The following RUVBL1 variants were observed in gnomAD, a reference collection of about 807,000 sequenced individuals.
The protein encoded by RUVBL1 is RuvB like AAA ATPase 1.
In RUVBL1, 4 loss-of-function variants were observed where a neutral mutation model predicts 52.4. That is an observed-to-expected ratio of 0.08 (90% CI 0.04 to 0.17). The LOEUF is 0.17. Among genes scored for constraint, RUVBL1 ranks in the 10% least tolerant of loss-of-function variants. RUVBL1 has a pLI of 1.00. For missense variants in RUVBL1, 298 were observed against 572.8 expected, an observed-to-expected ratio of 0.52 and a Z score of 4.90; for synonymous variants, 217 against 214.4, an observed-to-expected ratio of 1.01 and a Z score of -0.10.
intron 1 of RUVBL1, among the ~76,000 whole-genome samples, chr3:128,146,049 G>A (rs1944098828): frequency 6.6e-6 from 1 of 152,174 alleles, no homozygotes; most frequent in Non-Finnish European, 1.5e-5. Context: ...CAGGATAAGG[G>A]GGATCAGGAG....
At chr3:128,123,378 T>C (rs1379164021) in intron 1 of RUVBL1, among the ~76,000 whole-genome samples, 1 of 152,144 alleles carries the variant, frequency 6.6e-6, no homozygotes, top group Non-Finnish European at 1.5e-5. Flanking sequence ...CCCCAGTGGA[T>C]CGTCACTAGG....
intron 1 of RUVBL1, among the ~76,000 whole-genome samples, chr3:128,148,124 T>G (rs1170644866): frequency 6.6e-6 from 1 of 151,570 alleles, no homozygotes; most frequent in East Asian, 1.9e-4. Context: ...TAAAGGGCTT[T>G]TTTTTTTTTG....
rs1290200003 is a variant in RUVBL1 at position 128,121,589 on chromosome 3, A to G, written c.141+1995T>C. Among the ~76,000 whole-genome samples, 3 of 151,486 alleles carry G rather than the reference A, an allele frequency of 2.0e-5. No homozygotes were observed. In the East Asian group the frequency reaches 6.0e-4, roughly 30 times the overall value. ...GCCGAGCGTGGTGGTAGGCGCCTGT[A>G]ATCCCAGCTACTCACGAGGCTGAGG... On this transcript the variant is annotated intron_variant, in intron 1 of 10. Coordinates refer to ENST00000322623, the MANE Select transcript of RUVBL1 (RefSeq NM_003707.3).
At chr3:128,134,154 A>G (rs1401461627) in intron 1 of RUVBL1, among the ~76,000 whole-genome samples, 1 of 152,076 alleles carries the variant, frequency 6.6e-6, no homozygotes, top group African/African-American at 2.4e-5. Flanking sequence ...AAGCAGAAGC[A>G]TTAGTGAGCT....
At chr3:128,116,736 G>T (rs1303533632) in intron 2 of RUVBL1, among the ~76,000 whole-genome samples, 2 of 152,066 alleles carry the variant, frequency 1.3e-5, no homozygotes, top group East Asian at 1.9e-4. Flanking sequence ...ACTGCTCATG[G>T]AATCATATGA....
chr3:128,067,421 G>GACACGTCTTCTGGGGGCCCAGC lies in RUVBL1; in HGVS notation c.940-2223_940-2202dup. 1 of 1,610,368 alleles carries GACACGTCTTCTGGGGGCCCAGC rather than the reference G, an allele frequency of 6.2e-7. No individual in the cohort carries two copies. The highest frequency in any genetic ancestry group is 8.5e-7 in the Non-Finnish European group (1 of 1,178,720). ...ATGCGTTTGGTTTCTTCTTCCCCAGGACACGTCTTCTGGGGGCCCAGCACG... is the reference window on the plus strand; with the variant it reads ...ATGCGTTTGGTTTCTTCTTCCCCAGGACACGTCTTCTGGGGGCCCAGCACACGTCTTCTGGGGGCCCAGCACG... On this transcript the variant is annotated intron_variant, in intron 9 of 9. Coordinates refer to the RUVBL1 transcript ENST00000464873. This position sits in a 1 kb window ranked among gnomAD's most constrained non-coding sequence, Gnocchi z 4.1.
At chr3:128,068,838 A>G (rs1367956494) in intron 9 of RUVBL1, 1 of 152,508 alleles carries the variant, frequency 6.6e-6, no homozygotes, top group African/African-American at 2.4e-5. Flanking sequence ...CAGACAACAG[A>G]CAAATGAGCA....
chr3:128,119,220 T>C (rs1200136401), intron 2 of RUVBL1, 108 bp downstream of exon 2: 2 of 711,620 alleles, frequency 2.8e-6, no homozygotes, highest in South Asian at 3.8e-5. Flanking sequence ...AAAACATACA[T>C]ATAACCCATT....
chr3:128,087,615 G>C, intron 9 of RUVBL1, 91 bp downstream of exon 9: 1 of 980,684 alleles, frequency 1.0e-6, no homozygotes, highest in South Asian at 1.6e-5. Context: ...ATGGCAGCCA[G>C]ATCCAAGCCG....
intron 8 of RUVBL1, among the ~76,000 whole-genome samples, chr3:128,090,459 C>T (rs1942806576): frequency 6.6e-6 from 1 of 152,162 alleles, no homozygotes; most frequent in Admixed American, 6.5e-5. Context: ...GCGGAGCTTG[C>T]AGTGTACCGA....
At chr3:128,118,561 T>C (rs148651722) in intron 2 of RUVBL1, among the ~76,000 whole-genome samples, 33 of 151,926 alleles carry the variant, frequency 2.2e-4, no homozygotes, top group African/African-American at 8.0e-4. Flanking sequence ...TTTTGAAGAA[T>C]AAGCAAGCTC....
rs757475025 is a variant in RUVBL1, at chr3:128,119,351, C to A, written c.205G>T (p.Ala69Ser). 3 of 1,613,824 alleles carry A rather than the reference C, an allele frequency of 1.9e-6. No homozygotes were observed. In the East Asian group the frequency reaches 6.7e-5, roughly 36 times the overall value. Residue 69 changes from alanine (A) to serine (S), a missense_variant, in exon 2 of 11, where the codon GCA (alanine) becomes TCA (serine). Physicochemically the swap from Ala to Ser is moderately conservative, Grantham distance 99. This residue lies in a region of RUVBL1 where 71 missense variants were observed against 125.7 expected (regional missense o/e 0.57). Coordinates refer to ENST00000322623, the MANE Select transcript of RUVBL1 (RefSeq NM_003707.3). ...KKMAGRAVLLAGPPGTGKTAL... is the reference protein window; with the variant it reads ...KKMAGRAVLLSGPPGTGKTAL... Reference sequence around the variant, plus strand: ...ACCTTGCCAGTTCCAGGAGGTCCTGCCAACAAGACAGCTCTTCCAGCCATT... The same window carrying A: ...ACCTTGCCAGTTCCAGGAGGTCCTGACAACAAGACAGCTCTTCCAGCCATT...
chr3:128,093,624 C>T (rs1000396645), intron 8 of RUVBL1, among the ~76,000 whole-genome samples: 5 of 152,116 alleles, frequency 3.3e-5, no homozygotes, highest in African/African-American at 7.2e-5. Context: ...AACTCCTAAT[C>T]CCAGGGAGCT....
At chr3:128,143,036 C>T (rs1382951671) in intron 1 of RUVBL1, among the ~76,000 whole-genome samples, 2 of 151,992 alleles carry the variant, frequency 1.3e-5, no homozygotes, top group Non-Finnish European at 2.9e-5. Context: ...CCACCTCAGC[C>T]TCCCAAAGTT....
intron 3 of RUVBL1, among the ~76,000 whole-genome samples, chr3:128,111,406 C>A (rs1193579156): frequency 1.3e-5 from 2 of 152,130 alleles, no homozygotes; most frequent in Non-Finnish European, 2.9e-5. Context: ...TCCCATTCTT[C>A]CCCATCTCCA....
At chr3:128,116,229 A>G (rs1943519492) in intron 2 of RUVBL1, among the ~76,000 whole-genome samples, 1 of 151,826 alleles carries the variant, frequency 6.6e-6, no homozygotes, top group African/African-American at 2.4e-5. Context: ...CATGAGTAAA[A>G]AAGGTGGGCC....
intron 1 of RUVBL1, among the ~76,000 whole-genome samples, chr3:128,148,450 T>G (rs1377036169): frequency 6.6e-6 from 1 of 151,770 alleles, no homozygotes; most frequent in Non-Finnish European, 1.5e-5. Flanking sequence ...GGGAGTGGAG[T>G]GGAGGGTAAA....
In RUVBL1 at chr3:128,123,611, C is replaced by T; in HGVS notation, c.114G>A (p.Gly38=). The T allele has an allele frequency of 6.2e-7, 1 of 1,611,038 alleles. No individual in the cohort carries two copies. The highest frequency in any genetic ancestry group is 8.5e-7 in the Non-Finnish European group (1 of 1,179,164). ...ESGLAKQAAS[G]LVGQENAREA... is the part of the protein sequence containing the mutation. The stretch of plus-strand genomic sequence containing the variant: ...CTCGCGCGTTCTCCTGGCCCACAAG[C>T]CCTGAGGCCGCCTGCTTGGCCAAGC... The change falls in exon 1 of 11, where the codon GGG becomes GGA. Residue 38 remains glycine, a synonymous_variant. Coordinates refer to ENST00000322623, the MANE Select transcript of RUVBL1 (RefSeq NM_003707.3).
rs538333761 is a variant in RUVBL1, at chr3:128,084,924, C to A, written c.1120-2350G>T. On this transcript the variant is annotated intron_variant, in intron 9 of 10. Transcript: ENST00000322623. ...CAGAGTTGGCCTGGCAAGTCACTGT[C>A]CTAGAAGCACAGTACAGAACATTCC... 3.3e-5 allele frequency: 5 copies of A among 152,376 alleles called. No homozygotes were observed. In the South Asian group the frequency reaches 1.0e-3, roughly 32 times the overall value. 9.4% of individuals were successfully genotyped at this position (152,376 alleles called of 1,614,324 possible).
Sources: allele counts gnomAD v4.1 joint callset (sites outside exome capture counted in the v4.1 genomes callset), GRCh38; gene constraint gnomAD v4.1.1; regional missense constraint gnomAD v4.1.1; non-coding constraint Gnocchi (gnomAD v3.1); transcripts MANE v1.5; gene names NCBI Gene and HGNC (gene_info 2026-07-23, HGNC 2026-07-21).